The following GUCD1 variants were observed in gnomAD, a reference collection of about 807,000 sequenced individuals.
The protein encoded by GUCD1 is protein GUCD1.
A neutral mutation model predicts 28.3 loss-of-function variants in GUCD1; 17 were observed. The observed-to-expected ratio is 0.60, with a 90% confidence interval of 0.41 to 0.90. The LOEUF is 0.90. GUCD1 is among the 40% of genes least tolerant of loss of function. The probability of loss-of-function intolerance (pLI) is 0.00; values close to 1 mark genes in which losing one functional copy is unlikely to be tolerated. For missense variants in GUCD1, 279 were observed against 305.5 expected, an observed-to-expected ratio of 0.91 and a Z score of 0.65; for synonymous variants, 129 against 123.3, an observed-to-expected ratio of 1.05 and a Z score of -0.30.
At chr22:24,552,304 G>T (rs530989278) in intron 1 of GUCD1, among the ~76,000 whole-genome samples, 6 of 151,992 alleles carry the variant, frequency 3.9e-5, no homozygotes, top group African/African-American at 1.4e-4. Flanking sequence ...CTCCAAAAAA[G>T]AAAAAAAGAA....
upstream of GUCD1, chr22:24,555,645 G>T: frequency 6.4e-7 from 1 of 1,550,670 alleles, no homozygotes; most frequent in Admixed American, 2.0e-5. Context: ...AAATGAAATT[G>T]TGACGGGAAG....
Position 24,547,888 on chromosome 22 carries a change from C to G in GUCD1, c.294+20G>C. ...CTCTGTGTGGCCCCACATGGGAAGG[C>G]CTGGTGGCTGGTCGCTCACCTGGTT... On this transcript the variant is annotated intron_variant, in intron 3 of 5. Transcript: ENST00000435822. The G allele has an allele frequency of 1.2e-6, 2 of 1,613,190 alleles. No individual in the cohort carries two copies. The highest frequency in any genetic ancestry group is 8.5e-7 in the Non-Finnish European group (1 of 1,179,508).
rs1184573570 is a variant in GUCD1, at chr22:24,543,841, C to T, written c.628+1G>A. 10 of 1,613,440 alleles carry T rather than the reference C, an allele frequency of 6.2e-6. No individual in the cohort carries two copies. Among genetic ancestry groups the T allele is most frequent in the Admixed American group, 3.3e-5 (2 of 59,948 alleles). On this transcript the variant is annotated splice_donor_variant, in intron 5 of 5. Coordinates refer to ENST00000435822, the MANE Select transcript of GUCD1 (RefSeq NM_001284254.2). LOFTEE classifies it high-confidence loss of function. ...CCTCACCCACCCCACCCAGCACTCA[C>T]GGTCGGCATAGGCTGGGTTGTTGTA... is the stretch of plus-strand genomic sequence containing the variant.
chr22:24,547,723 A>C, intron 3 of GUCD1, 185 bp downstream of exon 3: 1 of 606,160 alleles, frequency 1.6e-6, no homozygotes, highest in Non-Finnish European at 2.9e-6. Flanking sequence ...CTGCAAGGGC[A>C]CCTGCTCTGA....
intron 1 of GUCD1, among the ~76,000 whole-genome samples, chr22:24,551,435 T>C (rs1569016721): frequency 6.6e-6 from 1 of 152,216 alleles, no homozygotes; most frequent in Non-Finnish European, 1.5e-5. Context: ...TTCCCACTGC[T>C]CTTGGAATAA....
chr22:24,544,039 T>C lies in GUCD1; in HGVS notation c.431A>G (p.His144Arg), dbSNP rs747949402. Residue 144 changes from histidine to arginine, a missense_variant, in exon 5 of 6, where the codon CAT becomes CGT. Coordinates refer to ENST00000435822, the MANE Select transcript of GUCD1 (RefSeq NM_001284254.2). ...KDIQAHLAQG[H>R]VAIVLVNSGV... ...CGAGTTCACCAGCACGATGGCCACATGGCCCTGAGCCAGGTGCGCCTGGAT... is the reference window on the plus strand; with the variant it reads ...CGAGTTCACCAGCACGATGGCCACACGGCCCTGAGCCAGGTGCGCCTGGAT... 1.9e-6 allele frequency: 3 copies of C among 1,612,278 alleles called. No individual in the cohort carries two copies. The highest frequency in any genetic ancestry group is 2.5e-6 in the Non-Finnish European group (3 of 1,178,742).
intron 3 of GUCD1, chr22:24,547,362 A>G (rs2044754329): frequency 3.9e-6 from 1 of 254,514 alleles, no homozygotes; most frequent in South Asian, 6.1e-5. Flanking sequence ...ACCACCTGGG[A>G]CAGCTCAGCT....
chr22:24,547,832 T>A, intron 3 of GUCD1, 76 bp downstream of exon 3: 1 of 1,507,054 alleles, frequency 6.6e-7, no homozygotes, highest in Non-Finnish European at 9.1e-7. Flanking sequence ...CTGTTCCCTC[T>A]TCCAACTACT....
At chr22:24,554,154 AGC>A (rs1024985202) in intron 1 of GUCD1, among the ~76,000 whole-genome samples, 1 of 152,234 alleles carries the variant, frequency 6.6e-6, no homozygotes, top group African/African-American at 2.4e-5. Flanking sequence ...AACTGCACGC[AGC>A]GCGCGCCTGC....
chr22:24,544,140 A>G (rs1437020213), intron 4 of GUCD1, 57 bp from the exon 5 acceptor site: 1 of 1,577,372 alleles, frequency 6.3e-7, no homozygotes, highest in East Asian at 2.3e-5. Flanking sequence ...CCATCCCTCA[A>G]ATGGATCCCT....
In GUCD1 at chr22:24,547,973, G is replaced by C; in HGVS notation, c.229C>G (p.His77Asp). 6.2e-7 allele frequency: 1 copy of C among 1,614,168 alleles called. No homozygotes were observed. The highest frequency in any genetic ancestry group is 1.1e-5 in the South Asian group (1 of 91,090). ...WTIDLAYLMH[H>D]FGVRHRFCTQ... The stretch of plus-strand genomic sequence containing the variant: ...CAGAAGCGGTGCCTCACGCCAAAGT[G>C]GTGCATCAGGTAGGCCAGGTCGATG... The change falls in exon 3 of 6, where the codon CAC (histidine) becomes GAC (aspartate). Residue 77 changes from histidine (H) to aspartate (D), a missense_variant. Coordinates refer to ENST00000435822, the MANE Select transcript of GUCD1 (RefSeq NM_001284254.2).
intron 4 of GUCD1, among the ~76,000 whole-genome samples, chr22:24,546,122 C>T (rs1317116964): frequency 3.3e-5 from 5 of 151,980 alleles, no homozygotes; most frequent in East Asian, 1.9e-4. Flanking sequence ...CCACCACGCC[C>T]GACTAATTTT....
At chr22:24,543,151 A>G (rs934243599) in intron 5 of GUCD1, 54 bp from the exon 6 acceptor site, 4 of 1,236,262 alleles carry the variant, frequency 3.2e-6, no homozygotes, top group African/African-American at 3.0e-5. Context: ...GAGAGCACCT[A>G]CACCACCGAC....
At chr22:24,554,009 GA>G (rs1350700137) in intron 1 of GUCD1, among the ~76,000 whole-genome samples, 4 of 152,270 alleles carry the variant, frequency 2.6e-5, no homozygotes, top group African/African-American at 9.6e-5. Flanking sequence ...TGTCACTAAG[GA>G]AGGCAAGCAG....
At chr22:24,543,155 C>A in intron 5 of GUCD1, 58 bp from the exon 6 acceptor site, 1 of 1,230,676 alleles carries the variant, frequency 8.1e-7, no homozygotes, top group Non-Finnish European at 1.2e-6. Flanking sequence ...GCACCTACAC[C>A]ACCGACACAG....
chr22:24,543,624 G>A (rs1432824898), intron 5 of GUCD1, among the ~76,000 whole-genome samples: 3 of 152,142 alleles, frequency 2.0e-5, no homozygotes, highest in Non-Finnish European at 4.4e-5. Context: ...GGGGTGGCCA[G>A]GGTGTAGAGG....
At chr22:24,543,789 A>G in intron 5 of GUCD1, 53 bp downstream of exon 5, 1 of 1,593,816 alleles carries the variant, frequency 6.3e-7, no homozygotes, top group Non-Finnish European at 8.6e-7. Context: ...CACTGGGCAT[A>G]CAGAACAGTG....
intron 1 of GUCD1, among the ~76,000 whole-genome samples, chr22:24,552,734 C>T (rs2044913634): frequency 6.8e-6 from 1 of 148,006 alleles, no homozygotes; most frequent in South Asian, 2.1e-4. Context: ...TACGCCACTG[C>T]ACTACAGCCT....
At chr22:24,554,056 C>G (rs1480658036) in intron 1 of GUCD1, among the ~76,000 whole-genome samples, 1 of 152,256 alleles carries the variant, frequency 6.6e-6, no homozygotes, top group Non-Finnish European at 1.5e-5. Context: ...ATCTCAGACT[C>G]AGTCTGCTCA....
Sources: gnomAD v4.1 joint callset for allele counts (sites outside exome capture counted in the v4.1 genomes callset) on GRCh38, gnomAD v4.1.1 for gene constraint, MANE v1.5 for transcripts, NCBI Gene and HGNC (gene_info 2026-07-23, HGNC 2026-07-21) for gene names.